CNTN5: variants seen among roughly 807,000 people sequenced by gnomAD.
CNTN5 encodes contactin-5.
CNTN5 carries 77 observed loss-of-function variants against 129.1 expected under a neutral mutation model. The observed-to-expected ratio is 0.60, with a 90% CI of 0.50 to 0.72. The LOEUF (loss-of-function observed/expected upper bound fraction) is 0.72. Ranked by LOEUF, CNTN5 falls within the 30% of genes least tolerant of loss-of-function variation. The pLI, the probability that CNTN5 is intolerant of heterozygous loss-of-function variation, is 0.00. For synonymous variants in CNTN5, 509 were observed against 465.6 expected, an observed-to-expected ratio of 1.09 and a Z score of -1.20; for missense variants, 1,478 against 1,328.8, an observed-to-expected ratio of 1.11 and a Z score of -1.75.
chr11:99,225,673 G>A (rs1565417483), intron 1 of CNTN5, among the ~76,000 whole-genome samples: 1 of 152,064 alleles, frequency 6.6e-6, no homozygotes, highest in Non-Finnish European at 1.5e-5. Context: ...GTGGTGTTCT[G>A]ATGAAGCTAT....
At chr11:99,795,835 T>G (rs11221434) in intron 3 of CNTN5, among the ~76,000 whole-genome samples, 41,870 of 151,860 alleles carry the variant, frequency 0.28, 6,198 homozygotes, top group East Asian at 0.49. Context: ...AGTTATCTGA[T>G]CCATTGAGGT....
chr11:99,174,661 G>A (rs2135549017), intron 1 of CNTN5, among the ~76,000 whole-genome samples: 1 of 152,122 alleles, frequency 6.6e-6, no homozygotes, highest in South Asian at 2.1e-4. Flanking sequence ...ATATAGTGAA[G>A]CCATTTCATA....
At chr11:99,934,514 C>T (rs569553213) in intron 7 of CNTN5, among the ~76,000 whole-genome samples, 11 of 152,196 alleles carry the variant, frequency 7.2e-5, no homozygotes, top group East Asian at 3.9e-4. Context: ...CTAAATTATT[C>T]GTATCCCCCA....
chr11:99,307,782 G>A (rs928335293), intron 1 of CNTN5, among the ~76,000 whole-genome samples: 1 of 152,054 alleles, frequency 6.6e-6, no homozygotes, highest in Non-Finnish European at 1.5e-5. Flanking sequence ...AAACAGATCG[G>A]GTCTTGTAAT....
intron 3 of CNTN5, among the ~76,000 whole-genome samples, chr11:99,570,733 T>C (rs1296095650): frequency 6.6e-6 from 1 of 152,094 alleles, no homozygotes; most frequent in Non-Finnish European, 1.5e-5. Flanking sequence ...TAACATAATA[T>C]CTAATAGGAA....
intron 7 of CNTN5, among the ~76,000 whole-genome samples, chr11:99,935,468 T>G (rs1242347553): frequency 6.6e-6 from 1 of 152,108 alleles, no homozygotes; most frequent in East Asian, 1.9e-4. Flanking sequence ...AGAAAGATTA[T>G]TTAATCTCTA....
chr11:99,872,417 A>G (rs543789294), intron 6 of CNTN5, among the ~76,000 whole-genome samples: 1 of 152,178 alleles, frequency 6.6e-6, no homozygotes, highest in Non-Finnish European at 1.5e-5. Context: ...CAAAGCCTTG[A>G]GATGAAAAGT....
At position 99,200,973 on chromosome 11, in the gene CNTN5, A is replaced by G. The variant is rs370982199; in HGVS notation, c.-209-124373A>G. The stretch of plus-strand genomic sequence containing the variant: ...TTTAACAACAGCAACAAAAAAGTCT[A>G]TTTATAGCTTTCTTGCCTGCCCACC... On this transcript the variant is annotated intron_variant, in intron 1 of 24. Coordinates refer to ENST00000524871, the MANE Select transcript of CNTN5 (RefSeq NM_014361.4). Among the ~76,000 whole-genome samples, 7 of 147,016 alleles carry G rather than the reference A, an allele frequency of 4.8e-5. No individual in the cohort carries two copies. In the East Asian group the frequency reaches 8.1e-4, roughly 17 times the overall value.
chr11:99,152,742 A>G (rs774220161), intron 1 of CNTN5, among the ~76,000 whole-genome samples: 3 of 152,168 alleles, frequency 2.0e-5, no homozygotes, highest in African/African-American at 7.2e-5. Flanking sequence ...TATAATGTCA[A>G]TGGTCCATGT....
intron 2 of CNTN5, among the ~76,000 whole-genome samples, chr11:99,464,234 C>T (rs946998514): frequency 1.3e-5 from 2 of 152,088 alleles, no homozygotes; most frequent in Non-Finnish European, 2.9e-5. Flanking sequence ...AACGTAATCA[C>T]AATTTTTTGA....
At position 100,009,094 on chromosome 11, in the gene CNTN5, C is replaced by G. The variant is rs1940360269; in HGVS notation, c.980+6958C>G. On this transcript the variant is annotated intron_variant, in intron 9 of 24. Transcript: ENST00000524871. ...ATCAAATTTTACTATATTTTGATAT[C>G]ACCCAAATTTACCAACCTGCCTCAT... is the stretch of plus-strand genomic sequence containing the variant. Among the ~76,000 whole-genome samples the G allele has an allele frequency of 2.0e-5, 3 of 151,988 alleles. No homozygotes were observed. The South Asian group carries it at 6.2e-4, about 32-fold the overall frequency.
At chr11:99,688,806 G>A (rs932168813) in intron 3 of CNTN5, among the ~76,000 whole-genome samples, 4 of 152,108 alleles carry the variant, frequency 2.6e-5, no homozygotes, top group Non-Finnish European at 5.9e-5. Context: ...CTCTCTACAC[G>A]TTAATGTATT....
chr11:99,833,110 C>T (rs568018039), intron 4 of CNTN5, among the ~76,000 whole-genome samples: 27 of 152,156 alleles, frequency 1.8e-4, no homozygotes, highest in Non-Finnish European at 3.5e-4. Context: ...AAAAAGCAAT[C>T]CTTTCTGAGA....
chr11:99,963,929 G>A lies in CNTN5; in HGVS notation c.877+6920G>A, dbSNP rs920848939. Among the ~76,000 whole-genome samples the A allele has an allele frequency of 3.3e-5, 5 of 152,032 alleles. No individual in the cohort carries two copies. The South Asian group carries it at 1.0e-3, about 32-fold the overall frequency. ...TATTCTCTTTGAAGCAATTGTGAAT[G>A]GGAGTTCACTCATGATTTGGCTCTC... On this transcript the variant is annotated intron_variant, in intron 8 of 24. Coordinates refer to ENST00000524871, the MANE Select transcript of CNTN5 (RefSeq NM_014361.4).
At chr11:99,371,864 G>A (rs1939846836) in intron 2 of CNTN5, among the ~76,000 whole-genome samples, 2 of 152,118 alleles carry the variant, frequency 1.3e-5, no homozygotes, top group Admixed American at 6.5e-5. Context: ...TTTCCCTTTA[G>A]ACAGCTAAGT....
chr11:100,012,565 C>T (rs1238814588), intron 9 of CNTN5, among the ~76,000 whole-genome samples: 4 of 152,092 alleles, frequency 2.6e-5, no homozygotes, highest in Non-Finnish European at 5.9e-5. Context: ...AGCTTTTCCA[C>T]GGCTGCCCTA....
chr11:99,706,362 T>G (rs1954756189), intron 3 of CNTN5, among the ~76,000 whole-genome samples: 1 of 151,468 alleles, frequency 6.6e-6, no homozygotes, highest in Admixed American at 6.6e-5. Flanking sequence ...CTATTATATG[T>G]ATAACAGTCT....
intron 2 of CNTN5, among the ~76,000 whole-genome samples, chr11:99,334,895 T>C (rs919495086): frequency 3.9e-5 from 6 of 152,164 alleles, no homozygotes; most frequent in Admixed American, 1.3e-4. Context: ...CTAATACACA[T>C]TGTTTCTGTA....
In CNTN5 at chr11:100,298,334, AT is replaced by A. The variant is rs553245612; in HGVS notation, c.2385+646del. ...CCTTTTCTTCGATAAAACTTCATAT[AT>A]TTTTTTGATGTCTACAGAGGTATTA... On this transcript the variant is annotated intron_variant, in intron 19 of 24. Coordinates refer to ENST00000524871, the MANE Select transcript of CNTN5 (RefSeq NM_014361.4). Among the ~76,000 whole-genome samples the A allele has an allele frequency of 1.3e-5, 2 of 151,248 alleles. 1 individual carries two copies. Among genetic ancestry groups the A allele is most frequent in the East Asian group, 3.9e-4 (2 of 5,114 alleles).
Sources: gnomAD v4.1 joint callset for allele counts (sites outside exome capture counted in the v4.1 genomes callset) on GRCh38, gnomAD v4.1.1 for gene constraint, MANE v1.5 for transcripts, NCBI Gene and HGNC (gene_info 2026-07-23, HGNC 2026-07-21) for gene names.